Variants in PTPRD observed in about 807,000 individuals in gnomAD.
The protein encoded by PTPRD is protein tyrosine phosphatase receptor type D, also known as receptor-type tyrosine-protein phosphatase delta.
A neutral mutation model predicts 214.5 loss-of-function variants in PTPRD; 34 were observed. That is an observed-to-expected ratio of 0.16 (90% CI 0.12 to 0.21). PTPRD has a LOEUF of 0.21. Ranked by LOEUF, PTPRD falls within the 10% of genes least tolerant of loss-of-function variation. PTPRD has a pLI of 1.00. For missense variants in PTPRD, 2,545 were observed against 2,398.7 expected (o/e 1.06, Z -1.27); for synonymous variants, 1,128 against 845.7 (o/e 1.33, Z -5.79).
chr9:8,556,375 G>A (rs1352026099), intron 14 of PTPRD, among the ~76,000 whole-genome samples: 4 of 152,164 alleles, frequency 2.6e-5, no homozygotes, highest in African/African-American at 7.2e-5. Context: ...AACAGTCTGT[G>A]ACTAAATGTG....
At chr9:9,919,458 T>C (rs983920358) in intron 5 of PTPRD, among the ~76,000 whole-genome samples, 1 of 152,106 alleles carries the variant, frequency 6.6e-6, no homozygotes, top group African/African-American at 2.4e-5. Flanking sequence ...GTGAACTCAG[T>C]TTCCCACCCT....
At position 9,570,307 on chromosome 9, in the gene PTPRD, T is replaced by A. The variant is rs370003057; in HGVS notation, c.-237+4425A>T. 2.8e-4 allele frequency among the ~76,000 whole-genome samples: 42 copies of A among 151,684 alleles called. 1 individual carries two copies. The highest frequency in any genetic ancestry group is 9.9e-4 in the African/African-American group (41 of 41,532). On this transcript the variant is annotated intron_variant, in intron 8 of 45. Transcript: ENST00000381196. The stretch of plus-strand genomic sequence containing the variant: ...AATTTTGGGTCCAAATAATGCACAG[T>A]AATTCTTCAGTTTCCACTATTTTCC...
At chr9:8,539,489 A>C (rs1051040855) in intron 14 of PTPRD, among the ~76,000 whole-genome samples, 6 of 151,896 alleles carry the variant, frequency 4.0e-5, no homozygotes, top group Admixed American at 1.3e-4. Flanking sequence ...TAAATTTTAA[A>C]AATTTTAACT....
chr9:9,519,376 A>T (rs2096911235), intron 8 of PTPRD, among the ~76,000 whole-genome samples: 1 of 151,768 alleles, frequency 6.6e-6, no homozygotes, highest in African/African-American at 2.4e-5. Context: ...AAAAAAAACC[A>T]GAGAGAGAAA....
In PTPRD at chr9:9,565,364, G is replaced by C. The variant is rs530989499; in HGVS notation, c.-237+9368C>G. Among the ~76,000 whole-genome samples the C allele has an allele frequency of 2.0e-5, 3 of 151,918 alleles. No homozygotes were observed. In the South Asian group the frequency reaches 6.2e-4, roughly 32 times the overall value. On this transcript the variant is annotated intron_variant, in intron 8 of 45. Transcript: ENST00000381196. ...GAGATACACTTCTGATGAGTGAAATGTTTATTAAATTTAAAATTGCAAAAA... is the reference window on the plus strand; with the variant it reads ...GAGATACACTTCTGATGAGTGAAATCTTTATTAAATTTAAAATTGCAAAAA...
chr9:9,317,900 G>A (rs777671043), intron 9 of PTPRD, among the ~76,000 whole-genome samples: 14 of 151,984 alleles, frequency 9.2e-5, no homozygotes, highest in African/African-American at 1.2e-4. Flanking sequence ...AGCCGGGTGC[G>A]GTGGCTCACG....
intron 5 of PTPRD, among the ~76,000 whole-genome samples, chr9:9,879,179 A>T (rs2067831333): frequency 2.0e-5 from 3 of 152,230 alleles, no homozygotes; most frequent in Admixed American, 2.0e-4. Context: ...AATTGTAATC[A>T]GTAGTATTTG....
intron 14 of PTPRD, among the ~76,000 whole-genome samples, chr9:8,557,623 A>G (rs1327460326): frequency 6.7e-6 from 1 of 149,646 alleles, no homozygotes; most frequent in African/African-American, 2.5e-5. Context: ...GGCACCTGTA[A>G]TCCCAACTAC....
chr9:8,327,208 C>A, intron 44 of PTPRD, among the ~76,000 whole-genome samples: 1 of 151,702 alleles, frequency 6.6e-6, no homozygotes, highest in South Asian at 2.1e-4. Flanking sequence ...AAATGTGTCC[C>A]AGAGATTCTG....
chr9:9,321,556 G>GAAAAAAAAAAAAAAAAATAAAAAAAAA (rs3048028), intron 9 of PTPRD, among the ~76,000 whole-genome samples: 1 of 138,508 alleles, frequency 7.2e-6, no homozygotes. Context: ...ACTCCACTGA[G>GAAAAAAAAAAAAAAAAATAAAAAAAAA]AAAAAAAAAA....
At chr9:10,365,613 C>G (rs1222909585) in intron 2 of PTPRD, among the ~76,000 whole-genome samples, 2 of 152,094 alleles carry the variant, frequency 1.3e-5, no homozygotes, top group Non-Finnish European at 2.9e-5. Context: ...TTATCGACTT[C>G]TAGCAGGCAA....
intron 5 of PTPRD, among the ~76,000 whole-genome samples, chr9:9,927,078 T>G (rs887494294): frequency 6.6e-6 from 1 of 152,200 alleles, no homozygotes; most frequent in African/African-American, 2.4e-5. Flanking sequence ...TTTTGTGATA[T>G]TTAAGCACCG....
At chr9:9,173,039 T>C (rs984909968) in intron 10 of PTPRD, among the ~76,000 whole-genome samples, 5 of 152,148 alleles carry the variant, frequency 3.3e-5, no homozygotes, top group African/African-American at 1.2e-4. Flanking sequence ...TATTTCCCAG[T>C]CATCTTTTCC....
At chr9:8,625,009 G>C (rs1375286806) in intron 14 of PTPRD, among the ~76,000 whole-genome samples, 2 of 151,706 alleles carry the variant, frequency 1.3e-5, no homozygotes, top group Non-Finnish European at 2.9e-5. Flanking sequence ...ATATGTACCT[G>C]TTCATGCCAC....
chr9:8,675,692 C>G (rs996525510), intron 12 of PTPRD, among the ~76,000 whole-genome samples: 5 of 152,056 alleles, frequency 3.3e-5, no homozygotes, highest in Non-Finnish European at 1.5e-5. Flanking sequence ...GTGGACCCAT[C>G]ATCTCACGTC....
chr9:10,399,420 A>G (rs2098232252), intron 2 of PTPRD, among the ~76,000 whole-genome samples: 1 of 152,020 alleles, frequency 6.6e-6, no homozygotes, highest in Non-Finnish European at 1.5e-5. Flanking sequence ...TTTATTCAAA[A>G]AAATCCAAAA....
At chr9:10,035,004 C>T (rs1362975157) in intron 3 of PTPRD, among the ~76,000 whole-genome samples, 1 of 152,038 alleles carries the variant, frequency 6.6e-6, no homozygotes, top group Non-Finnish European at 1.5e-5. Flanking sequence ...TTATTTTTGT[C>T]TTAAGGTCTT....
At chr9:8,722,586 A>G (rs2098512828) in intron 12 of PTPRD, among the ~76,000 whole-genome samples, 1 of 152,162 alleles carries the variant, frequency 6.6e-6, no homozygotes, top group Non-Finnish European at 1.5e-5. Context: ...CAAATCACTT[A>G]GGAATCCTAT....
chr9:9,816,093 T>A (rs549660354), intron 5 of PTPRD, among the ~76,000 whole-genome samples: 20 of 152,272 alleles, frequency 1.3e-4, no homozygotes, highest in Admixed American at 5.9e-4. Context: ...TATTCACCTA[T>A]CATATCACCA....
Sources: allele counts gnomAD v4.1 joint callset (sites outside exome capture counted in the v4.1 genomes callset), GRCh38; gene constraint gnomAD v4.1.1; transcripts MANE v1.5; gene names NCBI Gene and HGNC (gene_info 2026-07-23, HGNC 2026-07-21).